The following SLC12A5 variants were observed in gnomAD, a reference collection of about 807,000 sequenced individuals.
The protein encoded by SLC12A5 is K-Cl cotransporter 2.
In SLC12A5, 18 loss-of-function variants were observed where a neutral mutation model predicts 124.0. That is an observed-to-expected ratio of 0.15 (90% CI 0.10 to 0.22). The LOEUF (loss-of-function observed/expected upper bound fraction) is 0.22. Among genes scored for constraint, SLC12A5 ranks in the 10% least tolerant of loss-of-function variants. SLC12A5 has a pLI of 1.00. For missense variants in SLC12A5, 867 were observed against 1,478.7 expected (o/e 0.59, Z 6.78); for synonymous variants, 589 against 568.0 (o/e 1.04, Z -0.53).
At chr20:46,037,137 C>A in intron 5 of SLC12A5, 118 bp from the exon 6 acceptor site, 3 of 1,414,202 alleles carry the variant, frequency 2.1e-6, no homozygotes, top group Non-Finnish European at 2.9e-6. Context: ...AGGGCTGCAG[C>A]CCATAAGCCT....
Position 46,035,793 on chromosome 20 carries a change from C to T in SLC12A5, c.296C>T (p.Thr99Ile), listed in dbSNP as rs1316729616. 1 of 1,613,428 alleles carries T rather than the reference C, an allele frequency of 6.2e-7. No individual in the cohort carries two copies. Residue 99 changes from threonine to isoleucine, a missense_variant, in exon 4 of 26, where the codon ACC (threonine) becomes ATC (isoleucine). Thr to Ile is a moderately conservative substitution (Grantham distance 89). Coordinates refer to ENST00000243964, the MANE Select transcript of SLC12A5 (RefSeq NM_020708.5). ...CCCTGGCAGGCCCCACGCATGGGCACCTTCATGGGCGTGTACCTGCCGTGC... is the reference window on the plus strand; with the variant it reads ...CCCTGGCAGGCCCCACGCATGGGCATCTTCATGGGCGTGTACCTGCCGTGC... The part of the protein sequence containing the change: ...KKPVQAPRMG[T>I]FMGVYLPCLQ...
chr20:46,040,661 TG>T (rs1297984705), intron 7 of SLC12A5, 47 bp downstream of exon 7: 19 of 1,599,606 alleles, frequency 1.2e-5, no homozygotes, highest in Admixed American at 6.7e-5. Flanking sequence ...CCTACCTCCC[TG>T]GCCCTGTTTC....
chr20:46,039,801 C>CACAATAAAAAACCAACAACA (rs921217326), intron 6 of SLC12A5, among the ~76,000 whole-genome samples: 6 of 151,938 alleles, frequency 3.9e-5, no homozygotes, highest in African/African-American at 1.4e-4. Flanking sequence ...AAACCACCAC[C>CACAATAAAAAACCAACAACA]ACAATAAAAA....
intron 5 of SLC12A5, 39 bp downstream of exon 5, chr20:46,036,834 G>A: frequency 6.2e-7 from 1 of 1,611,800 alleles, no homozygotes; most frequent in Non-Finnish European, 8.5e-7. Flanking sequence ...AGGATGGCTG[G>A]GTGGAAGGAG....
At chr20:46,047,755 G>A (rs1164423669) in intron 15 of SLC12A5, among the ~76,000 whole-genome samples, 182 bp downstream of exon 15, 1 of 152,070 alleles carries the variant, frequency 6.6e-6, no homozygotes, top group Non-Finnish European at 1.5e-5. Context: ...GGGGGTGGGA[G>A]CAGAGGCTTT....
Position 46,045,161 on chromosome 20 carries a change from G to C in SLC12A5, c.1569+21G>C. On this transcript the variant is annotated intron_variant, in intron 12 of 25. Coordinates refer to ENST00000243964, the MANE Select transcript of SLC12A5 (RefSeq NM_020708.5). The surrounding 1 kb of genome is among the most constrained non-coding windows in gnomAD (Gnocchi z 4.9). Reference sequence around the variant, plus strand: ...TGCAGGTCAGTGTGGGAGAAGAACAGCCCACCCTCAGTAGACCAGCCAGGC... The same window carrying C: ...TGCAGGTCAGTGTGGGAGAAGAACACCCCACCCTCAGTAGACCAGCCAGGC... 1 of 1,545,766 alleles carries C rather than the reference G, an allele frequency of 6.5e-7. No individual in the cohort carries two copies. The highest frequency in any genetic ancestry group is 8.7e-7 in the Non-Finnish European group (1 of 1,149,290).
chr20:46,032,589 G>A (rs765186344), intron 1 of SLC12A5, among the ~76,000 whole-genome samples: 2 of 152,218 alleles, frequency 1.3e-5, no homozygotes, highest in Non-Finnish European at 2.9e-5. Context: ...ACAGCCCTAT[G>A]AGTTAAGCTT....
intron 3 of SLC12A5, 120 bp downstream of exon 3, chr20:46,035,655 G>A (rs1294354408): frequency 1.9e-5 from 29 of 1,509,338 alleles, no homozygotes; most frequent in Non-Finnish European, 2.3e-5. Flanking sequence ...AGAAAGAAGA[G>A]GGATGAAGGG....
Position 46,059,718 on chromosome 20 carries a change from CAA to C in SLC12A5, c.*2114_*2115del, listed in dbSNP as rs1440441708. 3 of 398,844 alleles carry C rather than the reference CAA, an allele frequency of 7.5e-6. No homozygotes were observed. Among genetic ancestry groups the C allele is most frequent in the Admixed American group, 4.4e-5 (1 of 22,716 alleles). The allele number at this position is 398,844 out of a possible 1,614,324, so 24.7% of individuals were successfully genotyped here. ...ATGAATGTTATCACAAGTCATTCAT[CAA>C]GTTATCTTTATAATCACTGTAGTTA... On this transcript the variant is annotated 3_prime_UTR_variant, in exon 26 of 26. Transcript: ENST00000243964.
intron 1 of SLC12A5, among the ~76,000 whole-genome samples, chr20:46,032,386 G>A (rs2145478853): frequency 6.6e-6 from 1 of 152,364 alleles, no homozygotes; most frequent in South Asian, 2.1e-4. Context: ...GGATGCTGCG[G>A]GGAAATGGAC....
chr20:46,049,928 AGAGCCTAAGAGCC>A, intron 17 of SLC12A5, 138 bp downstream of exon 17: 3 of 1,101,772 alleles, frequency 2.7e-6, no homozygotes, highest in Non-Finnish European at 3.8e-6. Flanking sequence ...CCTTAGAGGA[AGAGCCTAAGAGCC>A]TAGACAGTGA....
At position 46,057,397 on chromosome 20, in the gene SLC12A5, T is replaced by C; in HGVS notation, c.3259+94T>C. 6.2e-7 allele frequency: 1 copy of C among 1,604,762 alleles called. No individual in the cohort carries two copies. The highest frequency in any genetic ancestry group is 8.5e-7 in the Non-Finnish European group (1 of 1,171,728). ...ATGGAAGAGCTGAGCTGTTCCTGCC[T>C]CCGGATCAGCACCTCGGACAGGGAC... is the stretch of plus-strand genomic sequence containing the variant. On this transcript the variant is annotated intron_variant, in intron 25 of 25. Transcript: ENST00000243964. The surrounding 1 kb of genome is among the most constrained non-coding windows in gnomAD (Gnocchi z 7.1).
Position 46,022,943 on chromosome 20 carries a change from G to GGGA in SLC12A5, c.93_95dup (p.Gly32dup), listed in dbSNP as rs34923327. 69,073 of 363,946 alleles carry GGGA rather than the reference G, an allele frequency of 0.19. 3,576 individuals carry two copies. Among genetic ancestry groups the GGGA allele is most frequent in the East Asian group, 0.32 (8,508 of 26,348 alleles). 22.5% of individuals were successfully genotyped at this position (363,946 alleles called of 1,614,324 possible). On this transcript the variant is annotated inframe_insertion, in exon 2 of 3. Coordinates refer to the SLC12A5 transcript ENST00000413737. ...ATCGGCTTGTAGTGGCCCCAGCGAG[G>GGGA]GGAGGAGGAGGAGGAGGAGGAGGAG...
chr20:46,055,832 T>G, intron 21 of SLC12A5: 3 of 306,662 alleles, frequency 9.8e-6, no homozygotes, highest in East Asian at 1.5e-4. Context: ...CCAAGGGAGG[T>G]AGTAAAAATG....
chr20:46,041,339 C>T lies in SLC12A5; in HGVS notation c.865C>T (p.Leu289=), dbSNP rs2145488960. ...FDPPNFPICL[L]GNRTLSRHGF... ...TGTTTCTCTCCCTAGGATCTGCCTCCTGGGTAACCGCACGCTGTCTCGCCA... is the reference window on the plus strand; with the variant it reads ...TGTTTCTCTCCCTAGGATCTGCCTCTTGGGTAACCGCACGCTGTCTCGCCA... Residue 289 remains leucine (L), a synonymous_variant, in exon 8 of 26, where the codon CTG becomes TTG. Coordinates refer to ENST00000243964, the MANE Select transcript of SLC12A5 (RefSeq NM_020708.5). 1.2e-6 allele frequency: 2 copies of T among 1,614,106 alleles called. No individual in the cohort carries two copies. Among genetic ancestry groups the T allele is most frequent in the Non-Finnish European group, 1.7e-6 (2 of 1,179,994 alleles).
chr20:46,039,432 G>T (rs1211348920), intron 6 of SLC12A5, among the ~76,000 whole-genome samples: 1 of 152,132 alleles, frequency 6.6e-6, no homozygotes, highest in African/African-American at 2.4e-5. Flanking sequence ...AAACCTGATT[G>T]TGTTCACCTA....
intron 8 of SLC12A5, 35 bp downstream of exon 8, chr20:46,041,575 C>A (rs145138367): frequency 1.6e-5 from 26 of 1,607,464 alleles, no homozygotes; most frequent in East Asian, 2.2e-5. Flanking sequence ...ATCCAGGGAA[C>A]GCTGCAGGGA....
At chr20:46,022,486 C>G (rs2084364097) in intron 1 of SLC12A5, among the ~76,000 whole-genome samples, 1 of 151,994 alleles carries the variant, frequency 6.6e-6, no homozygotes, top group African/African-American at 2.4e-5. Flanking sequence ...TCAGCGGGTC[C>G]TCGGTGCCTG....
intron 1 of SLC12A5, 60 bp from the exon 2 acceptor site, chr20:46,034,888 G>C: frequency 6.7e-7 from 1 of 1,495,016 alleles, no homozygotes; most frequent in Non-Finnish European, 9.3e-7. Flanking sequence ...ACCACTGTAT[G>C]CCCAGGTGGT....
Sources: allele counts gnomAD v4.1 joint callset (sites outside exome capture counted in the v4.1 genomes callset), GRCh38; gene constraint gnomAD v4.1.1; non-coding constraint Gnocchi (gnomAD v3.1); transcripts MANE v1.5; gene names NCBI Gene and HGNC (gene_info 2026-07-23, HGNC 2026-07-21).